Variants in ESRRG observed in about 807,000 individuals in gnomAD.
The protein encoded by ESRRG is estrogen-related receptor gamma.
Under a neutral mutation model 44.0 loss-of-function variants are expected in ESRRG, and 13 were observed. The observed-to-expected ratio is 0.30, with a 90% CI of 0.19 to 0.47. ESRRG has a LOEUF of 0.47. Ranked by LOEUF, ESRRG falls within the 20% of genes least tolerant of loss-of-function variation. The pLI is 1.00. For synonymous variants in ESRRG, 215 were observed against 214.6 expected, an observed-to-expected ratio of 1.00 and a Z score of -0.02; for missense variants, 395 against 580.6, an observed-to-expected ratio of 0.68 and a Z score of 3.29.
chr1:216,753,328 G>C (rs2092215990), intron 2 of ESRRG, among the ~76,000 whole-genome samples: 1 of 152,066 alleles, frequency 6.6e-6, no homozygotes, highest in Admixed American at 6.6e-5. Flanking sequence ...TCAATTGGAT[G>C]CTTTCAATTA....
intron 1 of ESRRG, among the ~76,000 whole-genome samples, chr1:216,951,038 CA>C (rs2150071777): frequency 6.6e-6 from 1 of 152,236 alleles, no homozygotes; most frequent in South Asian, 2.1e-4. Flanking sequence ...CTCTGCAGAT[CA>C]AAAGAGAGTG....
intron 3 of ESRRG, among the ~76,000 whole-genome samples, chr1:216,599,685 A>G (rs2058929950): frequency 6.7e-6 from 1 of 149,788 alleles, no homozygotes; most frequent in Non-Finnish European, 1.5e-5. Context: ...AAAGCCAAAG[A>G]AAAAAAAATT....
At chr1:216,794,362 C>T (rs554867134) in intron 2 of ESRRG, among the ~76,000 whole-genome samples, 3 of 152,248 alleles carry the variant, frequency 2.0e-5, no homozygotes, top group South Asian at 2.1e-4. Context: ...GGAGTAAATA[C>T]CTTCTCAGTT....
At chr1:216,545,304 C>G (rs1313232527) in intron 5 of ESRRG, among the ~76,000 whole-genome samples, 1 of 151,352 alleles carries the variant, frequency 6.6e-6, no homozygotes, top group Non-Finnish European at 1.5e-5. Context: ...TTTAAGGGAT[C>G]CTTCTGCCTC....
chr1:216,541,146 C>T (rs1426468389), intron 5 of ESRRG, among the ~76,000 whole-genome samples: 1 of 151,982 alleles, frequency 6.6e-6, no homozygotes, highest in Admixed American at 6.6e-5. Context: ...AACAAATGTA[C>T]AGCAAAGGAG....
chr1:216,928,470 C>G (rs765002595), intron 2 of ESRRG, among the ~76,000 whole-genome samples: 2 of 152,148 alleles, frequency 1.3e-5, no homozygotes, highest in Non-Finnish European at 2.9e-5. Flanking sequence ...GCCTTCTTCA[C>G]GTCAAGACTG....
At chr1:216,579,744 G>A (rs74141612) in intron 3 of ESRRG, among the ~76,000 whole-genome samples, 2,125 of 152,176 alleles carry the variant, frequency 0.014, 61 homozygotes, top group African/African-American at 0.049. Flanking sequence ...TCTAGTGTGT[G>A]CCAAGAAAAA....
intron 1 of ESRRG, among the ~76,000 whole-genome samples, chr1:217,119,041 AGATAGATAGAG>A (rs1187882438): frequency 1.3e-5 from 2 of 151,534 alleles, no homozygotes; most frequent in African/African-American, 4.9e-5. Flanking sequence ...ATAGATAGAT[AGATAGATAGAG>A]ACACAGATAC....
intron 2 of ESRRG, among the ~76,000 whole-genome samples, chr1:216,779,305 CATTATATTTATAAAT>C (rs2093778253): frequency 5.7e-5 from 1 of 17,630 alleles, no homozygotes; most frequent in Non-Finnish European, 9.2e-5. Flanking sequence ...TATTTATAAA[CATTATATTTATAAAT>C]ATAAATATAT....
At chr1:217,125,204 C>A (rs1380536984) in intron 1 of ESRRG, among the ~76,000 whole-genome samples, 1 of 152,134 alleles carries the variant, frequency 6.6e-6, no homozygotes, top group Non-Finnish European at 1.5e-5. Flanking sequence ...TATATCCATA[C>A]CAGTACCACA....
intron 3 of ESRRG, among the ~76,000 whole-genome samples, chr1:216,584,851 T>C (rs974202362): frequency 2.6e-5 from 4 of 152,212 alleles, no homozygotes; most frequent in Admixed American, 2.6e-4. Context: ...ACTTTTTTAT[T>C]GCTGAGGATA....
chr1:216,636,423 T>C (rs2065310154), intron 3 of ESRRG, among the ~76,000 whole-genome samples: 1 of 152,232 alleles, frequency 6.6e-6, no homozygotes, highest in South Asian at 2.1e-4. Flanking sequence ...AGGTATGCCT[T>C]AGCACTTCGT....
intron 3 of ESRRG, among the ~76,000 whole-genome samples, chr1:216,607,125 C>T (rs964386566): frequency 2.0e-5 from 3 of 152,156 alleles, no homozygotes; most frequent in Non-Finnish European, 4.4e-5. Context: ...AATCATGTTA[C>T]CTAGAAAGTA....
intron 3 of ESRRG, among the ~76,000 whole-genome samples, chr1:216,647,773 C>T (rs534543141): frequency 1.3e-5 from 2 of 152,072 alleles, no homozygotes; most frequent in Admixed American, 6.6e-5. Context: ...TATCAACTAC[C>T]CTTTTAATGA....
intron 1 of ESRRG, among the ~76,000 whole-genome samples, chr1:217,131,645 G>C (rs2092968255): frequency 1.3e-5 from 2 of 152,214 alleles, no homozygotes; most frequent in Admixed American, 6.5e-5. Flanking sequence ...AGAAGACTTT[G>C]GAGGTTGTAT....
At chr1:217,048,078 C>T (rs1045072649) in intron 1 of ESRRG, among the ~76,000 whole-genome samples, 12 of 152,126 alleles carry the variant, frequency 7.9e-5, no homozygotes, top group African/African-American at 2.9e-4. Context: ...CTTTCAGGGT[C>T]CTCCCTAACT....
intron 1 of ESRRG, among the ~76,000 whole-genome samples, chr1:217,030,618 T>C (rs2081935711): frequency 6.6e-6 from 1 of 152,222 alleles, no homozygotes; most frequent in Non-Finnish European, 1.5e-5. Flanking sequence ...TTCTAAGGTC[T>C]TCATTGTTAT....
At chr1:216,518,825 A>G (rs953777569) in intron 6 of ESRRG, among the ~76,000 whole-genome samples, 1 of 152,230 alleles carries the variant, frequency 6.6e-6, no homozygotes, top group Non-Finnish European at 1.5e-5. Flanking sequence ...TAACTTACGC[A>G]TAAAATACAA....
At chr1:217,103,815 A>C (rs1340106596) in intron 1 of ESRRG, among the ~76,000 whole-genome samples, 1 of 152,148 alleles carries the variant, frequency 6.6e-6, no homozygotes, top group Admixed American at 6.5e-5. Flanking sequence ...GAAGGAACCA[A>C]GCATTAAGGC....
Sources: gnomAD v4.1 joint callset for allele counts (sites outside exome capture counted in the v4.1 genomes callset) on GRCh38, gnomAD v4.1.1 for gene constraint, MANE v1.5 for transcripts, NCBI Gene and HGNC (gene_info 2026-07-23, HGNC 2026-07-21) for gene names.